Variants in SLC24A2 observed in about 807,000 individuals in gnomAD.
SLC24A2 encodes solute carrier family 24 member 2.
SLC24A2 carries 36 observed loss-of-function variants against 62.0 expected under a neutral mutation model. That is an observed-to-expected ratio of 0.58 (90% CI 0.44 to 0.77). The LOEUF (loss-of-function observed/expected upper bound fraction) is 0.77. Among genes scored for constraint, SLC24A2 ranks in the 30% least tolerant of loss-of-function variants. The probability of loss-of-function intolerance (pLI) is 0.00; values close to 1 mark genes in which losing one functional copy is unlikely to be tolerated. For missense variants in SLC24A2, 846 were observed against 817.9 expected (o/e 1.03, Z -0.42); for synonymous variants, 358 against 294.0 (o/e 1.22, Z -2.23).
At chr9:20,086,304 G>T in the SLC24A2 span, among the ~76,000 whole-genome samples, 3 of 152,060 alleles carry the variant, frequency 2.0e-5, no homozygotes, top group African/African-American at 4.8e-5. Flanking sequence ...CACATGGCCC[G>T]TATTTCCAGT....
At chr9:19,693,121 T>C (rs58692277) in intron 2 of SLC24A2, among the ~76,000 whole-genome samples, 28,931 of 152,134 alleles carry the variant, frequency 0.19, 5,794 homozygotes, top group African/African-American at 0.51. Flanking sequence ...TATTATTCTT[T>C]AAGTTCCAGG....
chr9:20,176,284 C>T, the SLC24A2 span, among the ~76,000 whole-genome samples: 2 of 152,006 alleles, frequency 1.3e-5, no homozygotes, highest in Non-Finnish European at 2.9e-5. Context: ...TTCTGATTTA[C>T]TTCATTTTAC....
intron 5 of SLC24A2, among the ~76,000 whole-genome samples, chr9:19,587,200 G>T (rs1007248099): frequency 6.6e-6 from 1 of 152,174 alleles, no homozygotes; most frequent in African/African-American, 2.4e-5. Context: ...AGAAATAGGT[G>T]TTGAAAGATT....
chr9:20,078,009 G>C, the SLC24A2 span, among the ~76,000 whole-genome samples: 1 of 143,502 alleles, frequency 7.0e-6, no homozygotes, highest in Non-Finnish European at 1.6e-5. Context: ...CTGGTGAGGA[G>C]GGGCACAGGG....
rs144005325 is a variant in SLC24A2, at chr9:19,549,008, C to G, written c.1479+1129G>C. Among the ~76,000 whole-genome samples the G allele has an allele frequency of 1.6e-4, 25 of 152,316 alleles. No homozygotes were observed. The East Asian group carries it at 4.1e-3, about 25-fold the overall frequency. Reference sequence around the variant, plus strand: ...TTCCCTCTCCTTAGTTCTTTCACCTCTGGGGCAATGGCCCAAGAACTCACT... The same window carrying G: ...TTCCCTCTCCTTAGTTCTTTCACCTGTGGGGCAATGGCCCAAGAACTCACT... On this transcript the variant is annotated intron_variant, in intron 8 of 10. Coordinates refer to ENST00000341998, the MANE Select transcript of SLC24A2 (RefSeq NM_020344.4).
chr9:19,956,253 A>C, the SLC24A2 span, among the ~76,000 whole-genome samples: 1 of 152,238 alleles, frequency 6.6e-6, no homozygotes, highest in African/African-American at 2.4e-5. Flanking sequence ...AAGTTGTCTA[A>C]ACTAGTCAGT....
chr9:19,696,798 T>C (rs1039459069), intron 2 of SLC24A2, among the ~76,000 whole-genome samples: 1 of 152,182 alleles, frequency 6.6e-6, no homozygotes, highest in Admixed American at 6.5e-5. Context: ...AAATATAAAA[T>C]TAAAATGTAT....
rs1295878202 is a variant in SLC24A2, at chr9:19,512,870, T to A, written c.*3283A>T. 1 of 152,116 alleles carries A rather than the reference T, an allele frequency of 6.6e-6. No individual in the cohort carries two copies. Among genetic ancestry groups the A allele is most frequent in the Non-Finnish European group, 1.5e-5 (1 of 68,026 alleles). 9.4% of individuals were successfully genotyped at this position (152,116 alleles called of 1,614,324 possible). On this transcript the variant is annotated 3_prime_UTR_variant, in exon 11 of 11. Transcript: ENST00000341998. ...CTGTTGTGTATTCTTTGCCTCTATA[T>A]CAGCATTAGGGATATGGCTGACCGA...
the SLC24A2 span, among the ~76,000 whole-genome samples, chr9:20,040,346 G>C: frequency 6.6e-6 from 1 of 152,232 alleles, no homozygotes; most frequent in African/African-American, 2.4e-5. Context: ...AAAGCAGCCA[G>C]AGAAACTCAT....
chr9:19,622,133 G>C, intron 3 of SLC24A2, 128 bp downstream of exon 3: 1 of 766,846 alleles, frequency 1.3e-6, no homozygotes, highest in South Asian at 1.5e-5. Context: ...CACATCAGGG[G>C]TTAGATTATT....
the SLC24A2 span, among the ~76,000 whole-genome samples, chr9:19,955,423 G>A: frequency 6.6e-6 from 1 of 151,030 alleles, no homozygotes; most frequent in African/African-American, 2.4e-5. Context: ...GTTAGTAAGG[G>A]TTTTTGTTGC....
chr9:19,786,916 G>C lies in SLC24A2; in HGVS notation c.-50C>G, dbSNP rs1489177481. On this transcript the variant is annotated 5_prime_UTR_variant, in exon 2 of 11. The change creates a new upstream start codon in the 5' untranslated region. Transcript: ENST00000341998. The surrounding 1 kb of genome is among the most constrained non-coding windows in gnomAD (Gnocchi z 5.0). The stretch of plus-strand genomic sequence containing the variant: ...GATCTTCCAACTTTAGACTCAACCA[G>C]ATGGTTCTTTCATACTTTTCCTTAC... 3.8e-6 allele frequency: 6 copies of C among 1,594,560 alleles called. No individual in the cohort carries two copies. The highest frequency in any genetic ancestry group is 5.1e-6 in the Non-Finnish European group (6 of 1,176,646).
At chr9:19,854,146 T>C in the SLC24A2 span, among the ~76,000 whole-genome samples, 1 of 152,176 alleles carries the variant, frequency 6.6e-6, no homozygotes, top group African/African-American at 2.4e-5. Context: ...AGTGGTGATA[T>C]CCTTTTTTAT....
the SLC24A2 span, among the ~76,000 whole-genome samples, chr9:19,892,977 T>C: frequency 1.3e-5 from 2 of 152,192 alleles, no homozygotes; most frequent in Non-Finnish European, 2.9e-5. Context: ...GGGGAGGTTT[T>C]GTTTCCTCTA....
chr9:19,966,192 C>A, the SLC24A2 span, among the ~76,000 whole-genome samples: 1 of 152,044 alleles, frequency 6.6e-6, no homozygotes, highest in Non-Finnish European at 1.5e-5. Context: ...TGTTCCAGTT[C>A]CAAATAAAAA....
the SLC24A2 span, among the ~76,000 whole-genome samples, chr9:19,818,134 T>C: frequency 6.6e-6 from 1 of 152,284 alleles, no homozygotes; most frequent in East Asian, 1.9e-4. Flanking sequence ...TCTTCAATCT[T>C]TGGTGCAATA....
At chr9:19,522,679 C>A (rs1350262323) in intron 9 of SLC24A2, among the ~76,000 whole-genome samples, 1 of 152,150 alleles carries the variant, frequency 6.6e-6, no homozygotes, top group African/African-American at 2.4e-5. Flanking sequence ...AGGATCCTCA[C>A]CTTGGTCACC....
chr9:20,288,995 A>T, the SLC24A2 span, among the ~76,000 whole-genome samples: 2 of 152,134 alleles, frequency 1.3e-5, no homozygotes, highest in East Asian at 3.9e-4. Flanking sequence ...GAGCCTTCAG[A>T]TAATTCCAGC....
the SLC24A2 span, among the ~76,000 whole-genome samples, chr9:20,114,517 TA>T: frequency 6.6e-6 from 1 of 152,062 alleles, no homozygotes; most frequent in East Asian, 1.9e-4. Context: ...ATAAAGAAAA[TA>T]CCCAAGAATA....
Sources: gnomAD v4.1 joint callset for allele counts (sites outside exome capture counted in the v4.1 genomes callset) on GRCh38, gnomAD v4.1.1 for gene constraint, Gnocchi (gnomAD v3.1) non-coding constraint, MANE v1.5 for transcripts, NCBI Gene and HGNC (gene_info 2026-07-23, HGNC 2026-07-21) for gene names.